The following CACNA2D1 variants were observed in gnomAD, a reference collection of about 807,000 sequenced individuals.
CACNA2D1 encodes the protein voltage-dependent calcium channel subunit alpha-2/delta-1.
In CACNA2D1, 53 loss-of-function variants were observed where a neutral mutation model predicts 171.5. That is an observed-to-expected ratio of 0.31 (90% CI 0.25 to 0.39). The LOEUF is 0.39. CACNA2D1 is among the 10% of genes least tolerant of loss of function. The pLI is 1.00. For missense variants in CACNA2D1, 903 were observed against 1,299.8 expected (o/e 0.69, Z 4.69); for synonymous variants, 442 against 443.1 (o/e 1.00, Z 0.03).
chr7:82,331,436 A>G lies in CACNA2D1; in HGVS notation c.294+3699T>C, dbSNP rs76802039. The stretch of plus-strand genomic sequence containing the variant: ...CCATCTTGCATTCATTTACAATACA[A>G]TGTAGCATATGTTCTTCATTAGCCT... On this transcript the variant is annotated intron_variant, in intron 3 of 38. Coordinates refer to ENST00000356860, the MANE Select transcript of CACNA2D1 (RefSeq NM_000722.4). Among the ~76,000 whole-genome samples, 324 of 152,282 alleles carry G rather than the reference A, an allele frequency of 2.1e-3. 3 individuals are homozygous for G. The highest frequency in any genetic ancestry group is 7.5e-3 in the African/African-American group (312 of 41,568).
chr7:82,283,489 T>C (rs1368150105), intron 3 of CACNA2D1, among the ~76,000 whole-genome samples: 1 of 152,334 alleles, frequency 6.6e-6, no homozygotes, highest in African/African-American at 2.4e-5. Context: ...TAAATGTTGA[T>C]AGAGTTCCTA....
chr7:82,017,893 A>G (rs1486610669), intron 12 of CACNA2D1, among the ~76,000 whole-genome samples: 1 of 152,166 alleles, frequency 6.6e-6, no homozygotes, highest in Non-Finnish European at 1.5e-5. Flanking sequence ...GAGGAGGTCT[A>G]CATCCAGGCT....
At chr7:82,426,998 A>G (rs978769690) in intron 1 of CACNA2D1, among the ~76,000 whole-genome samples, 1 of 152,204 alleles carries the variant, frequency 6.6e-6, no homozygotes, top group African/African-American at 2.4e-5. Flanking sequence ...TGCCTAATTT[A>G]TAAACTGTAT....
At chr7:82,050,742 T>C (rs1805103380) in intron 10 of CACNA2D1, 4 of 663,114 alleles carry the variant, frequency 6.0e-6, no homozygotes, top group Admixed American at 2.2e-5. Context: ...AAGATGACAC[T>C]AAATAACAAT....
intron 4 of CACNA2D1, among the ~76,000 whole-genome samples, chr7:82,152,688 G>A (rs1367717928): frequency 6.6e-6 from 1 of 151,912 alleles, no homozygotes; most frequent in Non-Finnish European, 1.5e-5. Flanking sequence ...AATTAAGTCA[G>A]GAACATGATC....
At chr7:82,399,062 C>G (rs536416092) in intron 1 of CACNA2D1, among the ~76,000 whole-genome samples, 56 of 152,176 alleles carry the variant, frequency 3.7e-4, no homozygotes, top group African/African-American at 1.3e-3. Context: ...ACACACTCAC[C>G]AAAATCTGGC....
intron 10 of CACNA2D1, among the ~76,000 whole-genome samples, chr7:82,049,125 A>AT (rs1471611389): frequency 1.5e-3 from 48 of 31,700 alleles, no homozygotes; most frequent in Non-Finnish European, 3.0e-3. Context: ...CTGGCAACTC[A>AT]TAAAAAAAAA....
chr7:82,027,508 T>C (rs1338020714), intron 12 of CACNA2D1: 7 of 151,906 alleles, frequency 4.6e-5, no homozygotes, highest in African/African-American at 1.7e-4. Context: ...TTTGTATCTA[T>C]AAGCTTTCCT....
At chr7:82,097,442 G>A (rs181550732) in intron 6 of CACNA2D1, among the ~76,000 whole-genome samples, 17 of 152,224 alleles carry the variant, frequency 1.1e-4, no homozygotes, top group Admixed American at 7.8e-4. Context: ...GATATAGAGA[G>A]TGGAAAGAGA....
chr7:82,230,004 T>G (rs1388892651), intron 3 of CACNA2D1, among the ~76,000 whole-genome samples: 1 of 152,220 alleles, frequency 6.6e-6, no homozygotes, highest in Non-Finnish European at 1.5e-5. Flanking sequence ...TTTTTATCTA[T>G]TCATGTAATT....
intron 3 of CACNA2D1, among the ~76,000 whole-genome samples, chr7:82,310,804 CTA>C (rs2129432721): frequency 6.6e-6 from 1 of 152,196 alleles, no homozygotes; most frequent in South Asian, 2.1e-4. Flanking sequence ...AAATCAATGA[CTA>C]TTATTTCACA....
intron 3 of CACNA2D1, among the ~76,000 whole-genome samples, chr7:82,196,665 A>G (rs1286029233): frequency 6.6e-6 from 1 of 152,012 alleles, no homozygotes; most frequent in African/African-American, 2.4e-5. Context: ...ATTAGAGAGT[A>G]AGGAAAAAGA....
chr7:82,055,613 G>C (rs993264224), intron 10 of CACNA2D1, among the ~76,000 whole-genome samples: 26 of 151,348 alleles, frequency 1.7e-4, no homozygotes, highest in Admixed American at 4.0e-4. Context: ...GTCCTTTGTA[G>C]GGACATGGAT....
chr7:82,137,643 G>A, intron 4 of CACNA2D1, among the ~76,000 whole-genome samples: 1 of 149,370 alleles, frequency 6.7e-6, no homozygotes, highest in East Asian at 2.0e-4. Flanking sequence ...AGGCCGAGGT[G>A]GGTGGATCAT....
chr7:82,004,538 A>G (rs1451266559), intron 18 of CACNA2D1, among the ~76,000 whole-genome samples: 6 of 152,026 alleles, frequency 3.9e-5, no homozygotes, highest in African/African-American at 1.2e-4. Context: ...CCATATTTAA[A>G]TAACACAAGT....
intron 36 of CACNA2D1, 143 bp from the exon 37 acceptor site, chr7:81,959,972 T>C (rs1793912855): frequency 3.1e-6 from 4 of 1,307,242 alleles, no homozygotes; most frequent in Non-Finnish European, 3.1e-6. Flanking sequence ...AGGAGTATGA[T>C]TTTAGAAGAA....
intron 3 of CACNA2D1, among the ~76,000 whole-genome samples, chr7:82,190,409 G>A (rs143469134): frequency 0.013 from 1,918 of 151,796 alleles, 26 homozygotes; most frequent in Middle Eastern, 0.058. Flanking sequence ...AAAGACAATA[G>A]CAATTCTTTG....
chr7:81,951,980 T>TG (rs1175153674), intron 38 of CACNA2D1, among the ~76,000 whole-genome samples: 2 of 148,924 alleles, frequency 1.3e-5, no homozygotes, highest in Non-Finnish European at 3.0e-5. Context: ...TTTTTTTTTT[T>TG]TTTTTTTTTT....
chr7:82,404,565 A>T (rs938863234), intron 1 of CACNA2D1, among the ~76,000 whole-genome samples: 6 of 151,538 alleles, frequency 4.0e-5, no homozygotes, highest in Admixed American at 2.0e-4. Flanking sequence ...TGGGGGAATA[A>T]ATTTAGTTAC....
Sources: allele counts gnomAD v4.1 joint callset (sites outside exome capture counted in the v4.1 genomes callset), GRCh38; gene constraint gnomAD v4.1.1; transcripts MANE v1.5; gene names NCBI Gene and HGNC (gene_info 2026-07-23, HGNC 2026-07-21).